ATG16L2: variants seen among roughly 807,000 people sequenced by gnomAD.
ATG16L2 encodes the protein autophagy related 16 like 2.
ATG16L2 carries 77 observed loss-of-function variants against 84.7 expected under a neutral mutation model. The ratio of observed to expected loss-of-function variants is 0.91; its 90% CI spans 0.76 to 1.10. ATG16L2 has a LOEUF of 1.10. Among genes scored for constraint, ATG16L2 ranks in the 50% least tolerant of loss-of-function variants. The pLI is 0.00. For synonymous variants in ATG16L2, 361 were observed against 342.8 expected (o/e 1.05, Z -0.59); for missense variants, 782 against 817.6 (o/e 0.96, Z 0.53).
At chr11:72,833,214 T>C (rs113016055), downstream of ATG16L2, among the ~76,000 whole-genome samples, 3,523 of 152,248 alleles carry the variant, frequency 0.023, 129 homozygotes, top group African/African-American at 0.079. Context: ...ATTTGCTGAA[T>C]TGAATAGAGG....
intron 3 of ATG16L2, chr11:72,818,404 C>T (rs1859806569): frequency 6.5e-6 from 1 of 153,432 alleles, no homozygotes. Context: ...ATTCCTGTCC[C>T]TTCAAATGTG....
chr11:72,829,636 C>T, downstream of ATG16L2: 4 of 1,310,442 alleles, frequency 3.1e-6, no homozygotes, highest in Non-Finnish European at 3.9e-6. Flanking sequence ...GATATCTGAA[C>T]TGCGTCTGCC....
rs557078109 is a variant in ATG16L2, at chr11:72,822,967, G to A, written c.824+6G>A. On this transcript the variant is annotated splice_donor_region_variant and intron_variant, in intron 7 of 17. Transcript: ENST00000321297. The surrounding 1 kb of genome is among the most constrained non-coding windows in gnomAD (Gnocchi z 4.2). ...AAGTGGAAGAGGCCCTTCAGGTGAGGACCCAGGTGACAGTCTCAGAGCTCT... is the reference window on the plus strand; with the variant it reads ...AAGTGGAAGAGGCCCTTCAGGTGAGAACCCAGGTGACAGTCTCAGAGCTCT... The A allele has an allele frequency of 2.6e-6, 4 of 1,549,232 alleles. No individual in the cohort carries two copies. The highest frequency in any genetic ancestry group is 3.5e-6 in the Non-Finnish European group (4 of 1,143,010).
In ATG16L2 at chr11:72,826,159, C is replaced by T; in HGVS notation, c.1103-14C>T. 1 of 1,610,460 alleles carries T rather than the reference C, an allele frequency of 6.2e-7. No homozygotes were observed. Among genetic ancestry groups the T allele is most frequent in the Non-Finnish European group, 8.5e-7 (1 of 1,177,698 alleles). On this transcript the variant is annotated splice_polypyrimidine_tract_variant and intron_variant, in intron 10 of 17. Transcript: ENST00000321297. ...AGACCTCATTTCAACTGTCCCTTCC[C>T]CTGGTCCTCCCAGGTCGCCTGGAGG...
At position 72,828,383 on chromosome 11, in the gene ATG16L2, C is replaced by T; in HGVS notation, c.1497C>T (p.Ile499=). The stretch of plus-strand genomic sequence containing the variant: ...GGGGGCCCCACTGCACCCAGGTCAT[C>T]CCTGTGCAGGGCCGGGTCACCTCCC... ...DSRGPHCTQV[I]PVQGRVTSLS... is the part of the protein sequence containing the mutation. Residue 499 remains isoleucine, a synonymous_variant, in exon 15 of 18, where the codon ATC becomes ATT. Transcript: ENST00000321297. 1 of 1,614,194 alleles carries T rather than the reference C, an allele frequency of 6.2e-7. No homozygotes were observed. The highest frequency in any genetic ancestry group is 1.3e-5 in the African/African-American group (1 of 75,062).
intron 14 of ATG16L2, 132 bp from the exon 15 acceptor site, chr11:72,828,227 A>T: frequency 1.0e-6 from 1 of 971,868 alleles, no homozygotes; most frequent in Non-Finnish European, 1.5e-6. Context: ...CGCAGCCTTT[A>T]CCCCAGCGAT....
chr11:72,843,148 T>C, exon 6 of ATG16L2: 1 of 1,613,922 alleles, frequency 6.2e-7, no homozygotes, highest in Non-Finnish European at 8.5e-7. Context: ...TTTCAGTCTT[T>C]ACCACTGGCA....
At chr11:72,824,254 T>G in intron 8 of ATG16L2, 132 bp downstream of exon 8, 1 of 1,141,176 alleles carries the variant, frequency 8.8e-7, no homozygotes, top group African/African-American at 1.5e-5. Flanking sequence ...CTGTTGGGCC[T>G]TGGAGACAGG....
At chr11:72,821,847 G>A in intron 4 of ATG16L2, 106 bp downstream of exon 4, 1 of 1,457,930 alleles carries the variant, frequency 6.9e-7, no homozygotes, top group Non-Finnish European at 9.1e-7. Context: ...CTTTCCCTAC[G>A]TCCCCCCGAC....
chr11:72,820,617 G>A (rs933451266), intron 3 of ATG16L2, among the ~76,000 whole-genome samples: 5 of 152,156 alleles, frequency 3.3e-5, no homozygotes, highest in Admixed American at 6.5e-5. Flanking sequence ...TTCCTTCTTC[G>A]CAGACTCACT....
chr11:72,823,287 ATG>A (rs771962828), intron 7 of ATG16L2: 7 of 342,904 alleles, frequency 2.0e-5, no homozygotes, highest in Non-Finnish European at 3.3e-5. Context: ...CATGCCAGGC[ATG>A]TGTGCGCAGC....
chr11:72,824,010 G>C (rs1195715426), intron 7 of ATG16L2, 50 bp from the exon 8 acceptor site: 13 of 1,604,572 alleles, frequency 8.1e-6, no homozygotes, highest in Non-Finnish European at 1.1e-5. Context: ...ACAGCCATTT[G>C]TACACACACC....
At chr11:72,835,181 C>T (rs1860698195) in intron 5 of ATG16L2, among the ~76,000 whole-genome samples, 1 of 152,202 alleles carries the variant, frequency 6.6e-6, no homozygotes, top group Non-Finnish European at 1.5e-5. Context: ...ACCTCCAGTA[C>T]CGAAAGCAGC....
intron 5 of ATG16L2, among the ~76,000 whole-genome samples, chr11:72,840,243 C>T (rs1389007145): frequency 6.6e-6 from 1 of 152,192 alleles, no homozygotes; most frequent in Admixed American, 6.5e-5. Context: ...GACTCAAGTC[C>T]TTAAGAAGGC....
downstream of ATG16L2, among the ~76,000 whole-genome samples, chr11:72,832,795 C>T (rs1344338669): frequency 6.6e-6 from 1 of 152,214 alleles, no homozygotes; most frequent in African/African-American, 2.4e-5. Flanking sequence ...AAACTGGATT[C>T]AGATTCTGCA....
downstream of ATG16L2, among the ~76,000 whole-genome samples, chr11:72,831,540 C>A (rs1400102341): frequency 2.0e-5 from 3 of 152,202 alleles, no homozygotes; most frequent in African/African-American, 7.2e-5. Context: ...AAGGACTCAG[C>A]CAGTCTAACG....
chr11:72,824,207 G>C, intron 8 of ATG16L2, 85 bp downstream of exon 8: 1 of 1,515,966 alleles, frequency 6.6e-7, no homozygotes, highest in Non-Finnish European at 9.1e-7. Flanking sequence ...GCCTCGACCT[G>C]TCCATCCCTG....
intron 7 of ATG16L2, chr11:72,823,361 C>T: frequency 3.0e-6 from 1 of 332,884 alleles, no homozygotes; most frequent in Admixed American, 4.4e-5. Context: ...ACAAGCTTGA[C>T]TGAGCCCGTC....
chr11:72,825,697 G>T (rs117202859), intron 10 of ATG16L2, among the ~76,000 whole-genome samples: 1 of 152,082 alleles, frequency 6.6e-6, no homozygotes, highest in Non-Finnish European at 1.5e-5. Context: ...GTCCTACAGG[G>T]ACAGGCCCTT....
Sources: allele counts gnomAD v4.1 joint callset (sites outside exome capture counted in the v4.1 genomes callset), GRCh38; gene constraint gnomAD v4.1.1; non-coding constraint Gnocchi (gnomAD v3.1); transcripts MANE v1.5; gene names NCBI Gene and HGNC (gene_info 2026-07-23, HGNC 2026-07-21).